Variants in TBC1D2B observed in about 807,000 individuals in gnomAD.
TBC1D2B encodes the protein TBC1 domain family member 2B, also known as TBC1 domain family, member 2B.
TBC1D2B carries 64 observed loss-of-function variants against 100.8 expected under a neutral mutation model. That is an observed-to-expected ratio of 0.64 (90% confidence interval 0.52 to 0.78). The LOEUF is 0.78. Among genes scored for constraint, TBC1D2B ranks in the 30% least tolerant of loss-of-function variants. TBC1D2B has a pLI of 0.00. For synonymous variants in TBC1D2B, 480 were observed against 479.7 expected (o/e 1.00, Z -0.01); for missense variants, 1,052 against 1,218.4 (o/e 0.86, Z 2.03).
intron 8 of TBC1D2B, among the ~76,000 whole-genome samples, chr15:78,015,652 A>T (rs2072354342): frequency 6.6e-6 from 1 of 152,060 alleles, no homozygotes; most frequent in African/African-American, 2.4e-5. Context: ...AGGCTGGGTG[A>T]CTCTGGGCAA....
chr15:78,042,442 T>C (rs1251024981), intron 3 of TBC1D2B, among the ~76,000 whole-genome samples: 1 of 132,580 alleles, frequency 7.5e-6, no homozygotes, highest in African/African-American at 2.5e-5. Context: ...TCACTTTACC[T>C]CTCTAAGCCT....
chr15:78,026,691 G>A (rs2141703049), intron 4 of TBC1D2B, among the ~76,000 whole-genome samples: 1 of 152,194 alleles, frequency 6.6e-6, no homozygotes, highest in South Asian at 2.1e-4. Context: ...CGAGGCAGGT[G>A]GATCACCTGA....
intron 2 of TBC1D2B, among the ~76,000 whole-genome samples, chr15:78,052,926 C>T (rs542803602): frequency 3.9e-5 from 6 of 152,064 alleles, no homozygotes; most frequent in Non-Finnish European, 7.4e-5. Context: ...GATCTCAGAA[C>T]CTGGAATAGT....
In TBC1D2B at chr15:78,016,783, G is replaced by A. The variant is rs1238769754; in HGVS notation, c.1582-44C>T. The A allele has an allele frequency of 1.2e-5, 17 of 1,443,090 alleles. 1 individual carries two copies. In the South Asian group the frequency reaches 2.5e-4, roughly 21 times the overall value. 89.4% of individuals were successfully genotyped at this position (1,443,090 alleles called of 1,614,324 possible). A position where few individuals can be genotyped will look rare whatever the true frequency, so the allele number is the denominator to read the frequency against. Reference sequence around the variant, plus strand: ...TTACCTCCATTCAGACAGAGACACAGGAAGAGCAATCTTTAGGTACGCAAA... The same window carrying A: ...TTACCTCCATTCAGACAGAGACACAAGAAGAGCAATCTTTAGGTACGCAAA... On this transcript the variant is annotated intron_variant, in intron 7 of 12. Coordinates refer to ENST00000300584, the MANE Select transcript of TBC1D2B (RefSeq NM_144572.2).
At chr15:78,055,224 T>A (rs2073395398) in intron 1 of TBC1D2B, among the ~76,000 whole-genome samples, 1 of 86,802 alleles carries the variant, frequency 1.2e-5, no homozygotes, top group African/African-American at 3.7e-5. Context: ...GTGACAGAAC[T>A]GCTATGTATC....
rs367948144 is a variant in TBC1D2B, at chr15:78,016,789, G to A, written c.1582-50C>T. On this transcript the variant is annotated intron_variant, in intron 7 of 12. Coordinates refer to ENST00000300584, the MANE Select transcript of TBC1D2B (RefSeq NM_144572.2). ...CCATTCAGACAGAGACACAGGAAGA[G>A]CAATCTTTAGGTACGCAAATGACCA... 5 of 1,422,088 alleles carry A rather than the reference G, an allele frequency of 3.5e-6. No individual in the cohort carries two copies. In the African/African-American group the frequency reaches 5.8e-5, roughly 17 times the overall value. 88.1% of individuals were successfully genotyped at this position (1,422,088 alleles called of 1,614,324 possible).
Position 78,001,611 on chromosome 15 carries a change from G to C in TBC1D2B, c.2696+8C>G, listed in dbSNP as rs2071915816. 6.2e-7 allele frequency: 1 copy of C among 1,607,326 alleles called. No homozygotes were observed. The highest frequency in any genetic ancestry group is 2.2e-5 in the East Asian group (1 of 44,718). Reference sequence around the variant, plus strand: ...CTCCTTGACATCTGAGAACTCCCCAGGACTCACCTAGCATCAAGGATAGTG... The same window carrying C: ...CTCCTTGACATCTGAGAACTCCCCACGACTCACCTAGCATCAAGGATAGTG... On this transcript the variant is annotated splice_region_variant and intron_variant, in intron 12 of 12. Transcript: ENST00000300584.
chr15:78,060,418 A>C (rs542704420), intron 1 of TBC1D2B, among the ~76,000 whole-genome samples: 1 of 151,120 alleles, frequency 6.6e-6, no homozygotes, highest in South Asian at 2.1e-4. Context: ...TGGGTGAATC[A>C]CTTGGGCTCA....
intron 4 of TBC1D2B, 26 bp downstream of exon 4, chr15:78,029,981 A>G (rs746036324): frequency 6.3e-7 from 1 of 1,586,692 alleles, no homozygotes; most frequent in East Asian, 2.2e-5. Context: ...ACAGAGAATG[A>G]CAGACAACAG....
At chr15:78,056,472 C>T (rs2073423988) in intron 1 of TBC1D2B, among the ~76,000 whole-genome samples, 2 of 152,212 alleles carry the variant, frequency 1.3e-5, no homozygotes, top group African/African-American at 2.4e-5. Flanking sequence ...GGCCAGAGGC[C>T]GTGAGCCCAC....
At chr15:78,012,686 T>C in intron 9 of TBC1D2B, 137 bp downstream of exon 9, 1 of 885,224 alleles carries the variant, frequency 1.1e-6, no homozygotes, top group Non-Finnish European at 1.5e-6. Context: ...TAATGAAAAC[T>C]GGCTTGCTGC....
At chr15:78,011,169 G>A (rs1414957939) in intron 9 of TBC1D2B, among the ~76,000 whole-genome samples, 1 of 152,076 alleles carries the variant, frequency 6.6e-6, no homozygotes, top group Admixed American at 6.5e-5. Flanking sequence ...CCTTCTGAGG[G>A]CACATAGAGA....
At chr15:78,012,207 A>G (rs1374541419) in intron 9 of TBC1D2B, among the ~76,000 whole-genome samples, 9 of 152,256 alleles carry the variant, frequency 5.9e-5, no homozygotes, top group African/African-American at 1.4e-4. Flanking sequence ...GTCCAGTGAC[A>G]GGAAGAGCTT....
intron 10 of TBC1D2B, 72 bp from the exon 11 acceptor site, chr15:78,003,562 C>T (rs1596306072): frequency 1.7e-6 from 2 of 1,208,352 alleles, no homozygotes; most frequent in East Asian, 4.9e-5. Flanking sequence ...AGCAGACGCG[C>T]AACCTGAGAG....
intron 6 of TBC1D2B, among the ~76,000 whole-genome samples, chr15:78,020,895 A>C (rs530100231): frequency 2.5e-4 from 38 of 152,374 alleles, no homozygotes; most frequent in African/African-American, 7.7e-4. Flanking sequence ...AAACGCAGGA[A>C]GAAAGACAAG....
intron 2 of TBC1D2B, among the ~76,000 whole-genome samples, chr15:78,048,041 G>A (rs993967077): frequency 2.6e-5 from 4 of 152,120 alleles, no homozygotes; most frequent in Admixed American, 2.0e-4. Flanking sequence ...GCCCCTCTGC[G>A]AGACTGGACT....
chr15:77,998,838 C>T (rs1471430013), intron 12 of TBC1D2B: 1 of 170,888 alleles, frequency 5.9e-6, no homozygotes, highest in African/African-American at 2.4e-5. Context: ...GAACACAGGC[C>T]CAGGCAGTCC....
intron 2 of TBC1D2B, among the ~76,000 whole-genome samples, chr15:78,053,317 A>T (rs986689698): frequency 6.6e-6 from 1 of 152,196 alleles, no homozygotes; most frequent in African/African-American, 2.4e-5. Context: ...AAAAATACTA[A>T]TACAATGGCC....
intron 8 of TBC1D2B, among the ~76,000 whole-genome samples, chr15:78,016,307 T>G (rs1178955706): frequency 6.6e-6 from 1 of 152,044 alleles, no homozygotes; most frequent in South Asian, 2.1e-4. Context: ...GAAGGAAGGC[T>G]CCCTTACTTA....
Sources: allele counts gnomAD v4.1 joint callset (sites outside exome capture counted in the v4.1 genomes callset), GRCh38; gene constraint gnomAD v4.1.1; transcripts MANE v1.5; gene names NCBI Gene and HGNC (gene_info 2026-07-23, HGNC 2026-07-21).